Variants in DGKB observed in about 807,000 individuals in gnomAD.
DGKB encodes the protein diacylglycerol kinase beta.
A neutral mutation model predicts 114.3 loss-of-function variants in DGKB; 67 were observed. That is an observed-to-expected ratio of 0.59 (90% CI 0.48 to 0.72). The LOEUF (loss-of-function observed/expected upper bound fraction) is 0.72. Among genes scored for constraint, DGKB ranks in the 30% least tolerant of loss-of-function variants. DGKB has a pLI of 0.00. For synonymous variants in DGKB, 398 were observed against 323.1 expected (o/e 1.23, Z -2.49); for missense variants, 907 against 975.2 (o/e 0.93, Z 0.93).
At chr7:14,528,919 T>C (rs1217028682) in intron 20 of DGKB, among the ~76,000 whole-genome samples, 1 of 151,878 alleles carries the variant, frequency 6.6e-6, no homozygotes, top group African/African-American at 2.4e-5. Flanking sequence ...CACGGACAGA[T>C]AAAAGGAAGG....
At position 14,718,582 on chromosome 7, in the gene DGKB, C is replaced by G. The variant is rs768509873; in HGVS notation, c.426G>C (p.Leu142=). 6.2e-7 allele frequency: 1 copy of G among 1,612,864 alleles called. No individual in the cohort carries two copies. The highest frequency in any genetic ancestry group is 1.1e-5 in the South Asian group (1 of 90,930). The part of the protein sequence containing the change: ...VIHLKDIVCY[L]SLLERGRPED... The stretch of plus-strand genomic sequence containing the variant: ...CAGGTCTTCCTCTTTCAAGCAGAGA[C>G]AGGTAACAGACAATGTCCTTCAGAT... Residue 142 remains leucine (L), a synonymous_variant, in exon 6 of 26, where the codon CTG becomes CTC. Coordinates refer to ENST00000402815, the MANE Select transcript of DGKB (RefSeq NM_001350709.2).
chr7:14,378,076 A>G (rs921187375), intron 21 of DGKB, among the ~76,000 whole-genome samples: 5 of 152,168 alleles, frequency 3.3e-5, no homozygotes, highest in Non-Finnish European at 7.3e-5. Flanking sequence ...GACATTCTTG[A>G]AATAGATTAG....
chr7:14,621,486 T>C lies in DGKB; in HGVS notation c.1176A>G (p.Gln392=), dbSNP rs760668810. ...CACTCTTTTCCTTTTTCACTGTTGA[T>C]TGTCTTTCCTGTAAAAAAGAAAATT... ...TSGVSVPEER[Q]STVKKEKSGS... is the part of the protein sequence containing the mutation. Residue 392 remains glutamine, a synonymous_variant, in exon 15 of 26, where the codon CAA becomes CAG. Coordinates refer to ENST00000402815, the MANE Select transcript of DGKB (RefSeq NM_001350709.2). 8 of 1,587,560 alleles carry C rather than the reference T, an allele frequency of 5.0e-6. No homozygotes were observed. The South Asian group carries it at 7.0e-5, about 14-fold the overall frequency.
At chr7:14,165,068 C>T (rs1784428475) in intron 25 of DGKB, among the ~76,000 whole-genome samples, 1 of 151,992 alleles carries the variant, frequency 6.6e-6, no homozygotes, top group African/African-American at 2.4e-5. Flanking sequence ...ATTTTCTGCC[C>T]CTTTGGATAG....
chr7:14,662,579 G>T (rs1817342591), intron 13 of DGKB, among the ~76,000 whole-genome samples: 1 of 151,914 alleles, frequency 6.6e-6, no homozygotes, highest in Admixed American at 6.6e-5. Context: ...TTGAAAAGAT[G>T]CTAGACAAAA....
chr7:14,901,899 G>A (rs1030859223), intron 1 of DGKB, among the ~76,000 whole-genome samples: 1 of 152,138 alleles, frequency 6.6e-6, no homozygotes, highest in Middle Eastern at 3.4e-3. Context: ...ATGCTGCTTG[G>A]TTTCTAAGTA....
At chr7:14,937,185 A>G (rs1440280960) in intron 1 of DGKB, among the ~76,000 whole-genome samples, 1 of 152,122 alleles carries the variant, frequency 6.6e-6, no homozygotes, top group Non-Finnish European at 1.5e-5. Context: ...TAATCAATTA[A>G]TCTATTACTA....
chr7:14,351,455 A>T (rs1323328229), intron 21 of DGKB, among the ~76,000 whole-genome samples: 1 of 152,182 alleles, frequency 6.6e-6, no homozygotes, highest in Non-Finnish European at 1.5e-5. Context: ...GTGCAGAGGG[A>T]AAGGGAGGAT....
chr7:14,643,662 G>A (rs1408789973), intron 13 of DGKB, among the ~76,000 whole-genome samples: 3 of 152,138 alleles, frequency 2.0e-5, no homozygotes, highest in Non-Finnish European at 4.4e-5. Flanking sequence ...GACACAGGTA[G>A]CTGAAGCATG....
At chr7:14,265,132 CG>C (rs1230068294) in intron 23 of DGKB, among the ~76,000 whole-genome samples, 1 of 118,876 alleles carries the variant, frequency 8.4e-6, no homozygotes, top group African/African-American at 4.0e-5. Flanking sequence ...GTCTCCAATC[CG>C]GAGATCATTT....
rs558060546 is a variant in DGKB, at chr7:14,362,482, C to A, written c.1836-17091G>T. Among the ~76,000 whole-genome samples the A allele has an allele frequency of 1.1e-4, 17 of 152,118 alleles. 1 individual carries two copies. The highest frequency in any genetic ancestry group is 1.0e-3 in the South Asian group (5 of 4,816). ...TACCTGTTATGCATGAAGCACTATT[C>A]TAGTTGCCAGAAATTCATCAATAAT... On this transcript the variant is annotated intron_variant, in intron 21 of 25. Transcript: ENST00000402815.
chr7:14,658,094 G>C (rs1434532641), intron 13 of DGKB, among the ~76,000 whole-genome samples: 1 of 151,968 alleles, frequency 6.6e-6, no homozygotes, highest in African/African-American at 2.4e-5. Flanking sequence ...AATTGTGGAA[G>C]AGCAAGCAAG....
intron 1 of DGKB, among the ~76,000 whole-genome samples, chr7:14,869,037 C>T (rs1852088544): frequency 6.6e-6 from 1 of 152,222 alleles, no homozygotes; most frequent in African/African-American, 2.4e-5. Flanking sequence ...TAAGGACAGT[C>T]CTTCTAGGTG....
intron 20 of DGKB, among the ~76,000 whole-genome samples, chr7:14,532,631 A>G (rs1282909972): frequency 6.6e-6 from 1 of 151,616 alleles, no homozygotes; most frequent in Non-Finnish European, 1.5e-5. Context: ...AATCACCAAA[A>G]TGCATGAAGT....
At chr7:14,278,090 T>A (rs1209554563) in intron 23 of DGKB, among the ~76,000 whole-genome samples, 2 of 152,196 alleles carry the variant, frequency 1.3e-5, no homozygotes, top group Non-Finnish European at 2.9e-5. Context: ...GTCTACAGAT[T>A]CAGTGCAATT....
At chr7:14,235,816 A>G (rs1408298687) in intron 23 of DGKB, among the ~76,000 whole-genome samples, 1 of 152,056 alleles carries the variant, frequency 6.6e-6, no homozygotes, top group Non-Finnish European at 1.5e-5. Context: ...GCTCCTTGAA[A>G]CTAATTTAGC....
chr7:14,621,850 A>G (rs533478987), intron 14 of DGKB, among the ~76,000 whole-genome samples: 2 of 152,282 alleles, frequency 1.3e-5, no homozygotes, highest in East Asian at 1.9e-4. Context: ...AGAATGTGGT[A>G]TTGAGTACTA....
intron 10 of DGKB, among the ~76,000 whole-genome samples, chr7:14,683,989 T>C (rs1821264814): frequency 6.6e-6 from 1 of 152,114 alleles, no homozygotes; most frequent in Admixed American, 6.6e-5. Context: ...GACTGTACCA[T>C]AAAAATTCCT....
Position 14,637,967 on chromosome 7 carries a change from T to A in DGKB, c.1135-7699A>T, listed in dbSNP as rs191767579. On this transcript the variant is annotated intron_variant, in intron 13 of 25. Coordinates refer to ENST00000402815, the MANE Select transcript of DGKB (RefSeq NM_001350709.2). ...TTGAAGTTCCATTCTATAATAAACA[T>A]CAATTTTCATTTTCTGAACACAAAG... Among the ~76,000 whole-genome samples, 425 of 152,174 alleles carry A rather than the reference T, an allele frequency of 2.8e-3. 1 individual carries two copies. Among genetic ancestry groups the A allele is most frequent in the Non-Finnish European group, 3.9e-3 (267 of 67,948 alleles).
Sources: gnomAD v4.1 joint callset for allele counts (sites outside exome capture counted in the v4.1 genomes callset) on GRCh38, gnomAD v4.1.1 for gene constraint, MANE v1.5 for transcripts, NCBI Gene and HGNC (gene_info 2026-07-23, HGNC 2026-07-21) for gene names.